Variants in RPA1 observed in about 807,000 individuals in gnomAD.
The protein encoded by RPA1 is replication protein A1, also known as replication protein A 70 kDa DNA-binding subunit.
Under a neutral mutation model 83.0 loss-of-function variants are expected in RPA1, and 49 were observed. That is an observed-to-expected ratio of 0.59 (90% CI 0.47 to 0.75). The LOEUF is 0.75. Ranked by LOEUF, RPA1 falls within the 30% of genes least tolerant of loss-of-function variation. The probability of loss-of-function intolerance (pLI) is 0.00; values close to 1 mark genes in which losing one functional copy is unlikely to be tolerated. For missense variants in RPA1, 693 were observed against 776.1 expected, an observed-to-expected ratio of 0.89 and a Z score of 1.27; for synonymous variants, 279 against 281.8, an observed-to-expected ratio of 0.99 and a Z score of 0.10.
chr17:1,865,873 G>A (rs1597441392), intron 5 of RPA1, among the ~76,000 whole-genome samples: 2 of 152,254 alleles, frequency 1.3e-5, no homozygotes, highest in African/African-American at 4.8e-5. Flanking sequence ...GGGCTCAAGC[G>A]ATTCTCCCAC....
At chr17:1,842,330 G>T (rs953575952) in intron 1 of RPA1, among the ~76,000 whole-genome samples, 2 of 151,976 alleles carry the variant, frequency 1.3e-5, no homozygotes, top group Non-Finnish European at 2.9e-5. Context: ...GTTCTCTTTT[G>T]GAATATTTAG....
chr17:1,846,044 C>T (rs971929025), intron 4 of RPA1, among the ~76,000 whole-genome samples: 2 of 152,162 alleles, frequency 1.3e-5, no homozygotes, highest in African/African-American at 2.4e-5. Context: ...AGGACTCTTA[C>T]ATTTTCTCCA....
Position 1,844,563 on chromosome 17 carries a change from C to G in RPA1, c.164-15C>G, listed in dbSNP as rs1912185288. 1 of 1,607,478 alleles carries G rather than the reference C, an allele frequency of 6.2e-7. No individual in the cohort carries two copies. Among genetic ancestry groups the G allele is most frequent in the Non-Finnish European group, 8.5e-7 (1 of 1,175,496 alleles). On this transcript the variant is annotated splice_polypyrimidine_tract_variant and intron_variant, in intron 3 of 16. Coordinates refer to ENST00000254719, the MANE Select transcript of RPA1 (RefSeq NM_002945.5). ...GCAGGATTTTGGAGGCTAAAGAAAT[C>G]TCTGTGGTTTTCAGCTTTCATGTTG...
chr17:1,843,638 T>A (rs936671240), intron 2 of RPA1, among the ~76,000 whole-genome samples: 5 of 64,480 alleles, frequency 7.8e-5, no homozygotes, highest in Non-Finnish European at 2.2e-4. Flanking sequence ...TATTATTATT[T>A]TGGTAATTGA....
chr17:1,880,185 C>T (rs1330962610), intron 11 of RPA1, among the ~76,000 whole-genome samples: 1 of 152,136 alleles, frequency 6.6e-6, no homozygotes, highest in Admixed American at 6.5e-5. Context: ...GCTGTTAGCA[C>T]ACACAGGAGG....
intron 14 of RPA1, 140 bp downstream of exon 14, chr17:1,888,991 A>T: frequency 2.3e-6 from 2 of 867,908 alleles, no homozygotes; most frequent in East Asian, 5.6e-5. Flanking sequence ...GAGCTTATCC[A>T]TCCGCTTTTT....
chr17:1,843,844 C>G (rs1305391576), intron 2 of RPA1, 76 bp from the exon 3 acceptor site: 3 of 1,191,682 alleles, frequency 2.5e-6, no homozygotes, highest in Non-Finnish European at 3.7e-6. Flanking sequence ...CAAACCCACT[C>G]TCCTGCCACT....
chr17:1,886,534 T>C (rs1006380960), intron 13 of RPA1, among the ~76,000 whole-genome samples: 3 of 152,222 alleles, frequency 2.0e-5, no homozygotes, highest in African/African-American at 7.2e-5. Context: ...TGAAAATCTG[T>C]TGTTGAGTGC....
intron 4 of RPA1, among the ~76,000 whole-genome samples, 192 bp downstream of exon 4, chr17:1,844,878 A>G (rs1422716833): frequency 1.3e-5 from 2 of 152,224 alleles, no homozygotes; most frequent in East Asian, 3.8e-4. Context: ...AGATTAAAGT[A>G]GAATGCAGAA....
At chr17:1,856,103 C>T (rs576240763) in intron 5 of RPA1, among the ~76,000 whole-genome samples, 2 of 152,074 alleles carry the variant, frequency 1.3e-5, no homozygotes. Flanking sequence ...GCAAGCCGAT[C>T]GCTTGCGCTT....
At chr17:1,849,166 C>T (rs1240849539) in intron 4 of RPA1, among the ~76,000 whole-genome samples, 2 of 152,082 alleles carry the variant, frequency 1.3e-5, no homozygotes, top group Non-Finnish European at 2.9e-5. Flanking sequence ...AGTTTCTCCC[C>T]GTTCTTGCCA....
At position 1,876,456 on chromosome 17, in the gene RPA1, G is replaced by A. The variant is rs111388704; in HGVS notation, c.587+663G>A. 1.1e-4 allele frequency among the ~76,000 whole-genome samples: 17 copies of A among 152,324 alleles called. 1 individual carries two copies. Among genetic ancestry groups the A allele is most frequent in the Admixed American group, 5.2e-4 (8 of 15,290 alleles). On this transcript the variant is annotated intron_variant, in intron 7 of 16. Transcript: ENST00000254719. ...TGTAATCCCCGCTACTCAGGAGGCT[G>A]AGGCAGAAGAATCGCTTGAACCCAG...
intron 16 of RPA1, 148 bp from the exon 17 acceptor site, chr17:1,896,923 G>C (rs7406062): frequency 0.78 from 535,147 of 688,246 alleles, 210,565 homozygotes; most frequent in Middle Eastern, 0.82. Flanking sequence ...ACATTCAGGA[G>C]GAGGCTGTCA....
chr17:1,875,341 A>C (rs1913533087), intron 6 of RPA1, among the ~76,000 whole-genome samples: 1 of 152,176 alleles, frequency 6.6e-6, no homozygotes, highest in Admixed American at 6.5e-5. Flanking sequence ...GAGGCAAGAG[A>C]AGTGTTTAAG....
chr17:1,891,758 T>C (rs1476820260), intron 14 of RPA1, 75 bp from the exon 15 acceptor site: 3 of 988,532 alleles, frequency 3.0e-6, no homozygotes, highest in Non-Finnish European at 4.6e-6. Context: ...AAAAAGAACA[T>C]TAACCTCTCC....
At chr17:1,836,050 C>A (rs992964663) in intron 1 of RPA1, among the ~76,000 whole-genome samples, 4 of 152,188 alleles carry the variant, frequency 2.6e-5, no homozygotes, top group Non-Finnish European at 4.4e-5. Flanking sequence ...CCCAGAATAA[C>A]TGCTTTTTAG....
chr17:1,859,099 TGC>T (rs1182381465), intron 5 of RPA1, among the ~76,000 whole-genome samples: 1 of 151,926 alleles, frequency 6.6e-6, no homozygotes, highest in Non-Finnish European at 1.5e-5. Flanking sequence ...GACAGGGTTT[TGC>T]CGTGTTAGCC....
rs1411938564 is a variant in RPA1 at position 1,880,631 on chromosome 17, T to C, written c.1181T>C (p.Leu394Pro). ...TTCGGTGGACGGAGCCTCTCCGTGC[T>C]GTCTTCAAGCACTATCATTGCGAAT... ...SDFGGRSLSV[L>P]SSSTIIANPD... is the part of the protein sequence containing the mutation. The change falls in exon 12 of 17, where the codon CTG becomes CCG. Residue 394 changes from leucine to proline, a missense_variant. By Grantham distance (98) the Leu-to-Pro change is moderately conservative (BLOSUM62 -3). Coordinates refer to ENST00000254719, the MANE Select transcript of RPA1 (RefSeq NM_002945.5). 2 of 1,613,978 alleles carry C rather than the reference T, an allele frequency of 1.2e-6. No homozygotes were observed. Among genetic ancestry groups the C allele is most frequent in the African/African-American group, 1.3e-5 (1 of 74,916 alleles).
At chr17:1,882,533 C>T (rs750186874) in intron 12 of RPA1, among the ~76,000 whole-genome samples, 6 of 151,880 alleles carry the variant, frequency 4.0e-5, no homozygotes, top group East Asian at 1.9e-4. Flanking sequence ...CCCAGCTACT[C>T]GGTGCGTGCC....
Sources: allele counts gnomAD v4.1 joint callset (sites outside exome capture counted in the v4.1 genomes callset), GRCh38; gene constraint gnomAD v4.1.1; transcripts MANE v1.5; gene names NCBI Gene and HGNC (gene_info 2026-07-23, HGNC 2026-07-21).